AKT3: variants seen among roughly 807,000 people sequenced by gnomAD.
AKT3 encodes the protein RAC-gamma serine/threonine-protein kinase.
AKT3 carries 15 observed loss-of-function variants against 65.3 expected under a neutral mutation model. That is an observed-to-expected ratio of 0.23 (90% confidence interval 0.15 to 0.35). The LOEUF (loss-of-function observed/expected upper bound fraction) is 0.35, where lower values mean the gene tolerates loss of function less well. Among genes scored for constraint, AKT3 ranks in the 10% least tolerant of loss-of-function variants. AKT3 has a pLI of 1.00. For missense variants in AKT3, 243 were observed against 576.5 expected (o/e 0.42, Z 5.92); for synonymous variants, 206 against 183.8 (o/e 1.12, Z -0.98).
At chr1:243,576,159 G>A (rs1674927097) in intron 8 of AKT3, among the ~76,000 whole-genome samples, 1 of 152,138 alleles carries the variant, frequency 6.6e-6, no homozygotes, top group African/African-American at 2.4e-5. Context: ...AATAGACACA[G>A]AAAAGGCCTT....
chr1:243,767,856 A>T (rs1689929956), intron 2 of AKT3, among the ~76,000 whole-genome samples: 1 of 152,060 alleles, frequency 6.6e-6, no homozygotes, highest in Admixed American at 6.5e-5. Context: ...CAGGAAACAG[A>T]AATATTTTAA....
intron 4 of AKT3, among the ~76,000 whole-genome samples, chr1:243,648,646 T>C (rs561121481): frequency 4.6e-5 from 7 of 152,306 alleles, no homozygotes; most frequent in African/African-American, 7.2e-5. Flanking sequence ...TTGTAGAGGA[T>C]TGGTCAAATT....
At chr1:243,684,068 G>C (rs1392928822) in intron 3 of AKT3, among the ~76,000 whole-genome samples, 1 of 151,832 alleles carries the variant, frequency 6.6e-6, no homozygotes, top group Non-Finnish European at 1.5e-5. Context: ...CCAAACTCTT[G>C]TCTCTGATCC....
At chr1:243,789,104 G>T (rs1691453834) in intron 2 of AKT3, among the ~76,000 whole-genome samples, 1 of 152,214 alleles carries the variant, frequency 6.6e-6, no homozygotes, top group African/African-American at 2.4e-5. Flanking sequence ...CTGGCCAGGG[G>T]TGGTAGCTCA....
At chr1:243,739,934 G>C (rs1688053084) in intron 2 of AKT3, among the ~76,000 whole-genome samples, 1 of 152,162 alleles carries the variant, frequency 6.6e-6, no homozygotes, top group Non-Finnish European at 1.5e-5. Context: ...CTCTTGTGAG[G>C]GTAAGAACTG....
intron 2 of AKT3, among the ~76,000 whole-genome samples, chr1:243,772,801 T>C (rs908273676): frequency 2.6e-5 from 4 of 151,946 alleles, no homozygotes; most frequent in Non-Finnish European, 4.4e-5. Context: ...TGTCCAACAA[T>C]GACAGACTGG....
rs1477571417 is a variant in AKT3 at position 243,843,101 on chromosome 1, A to G, written c.46+24T>C. The G allele has an allele frequency of 2.5e-6, 4 of 1,613,068 alleles. No homozygotes were observed. The South Asian group carries it at 3.3e-5, about 13-fold the overall frequency. On this transcript the variant is annotated intron_variant, in intron 2 of 13. Coordinates refer to ENST00000673466, the MANE Select transcript of AKT3 (RefSeq NM_005465.7). ...TGCTAGCACTCTTACCAACCGTATT[A>G]TTTTTGGTTTGCGGAGCACTTACCC...
At chr1:243,678,291 G>A (rs764329193) in intron 3 of AKT3, among the ~76,000 whole-genome samples, 2 of 151,894 alleles carry the variant, frequency 1.3e-5, no homozygotes, top group Non-Finnish European at 2.9e-5. Context: ...AGGCCTCTTG[G>A]GTATTTACTA....
intron 12 of AKT3, among the ~76,000 whole-genome samples, chr1:243,536,361 T>A (rs1030197069): frequency 6.6e-6 from 1 of 152,222 alleles, no homozygotes; most frequent in Non-Finnish European, 1.5e-5. Context: ...TGGTTTCAGG[T>A]CTTACATTTA....
intron 2 of AKT3, among the ~76,000 whole-genome samples, chr1:243,755,078 G>A (rs1300444913): frequency 6.6e-6 from 1 of 151,766 alleles, no homozygotes; most frequent in African/African-American, 2.4e-5. Flanking sequence ...ATTATTATTG[G>A]TTTTTTTGGA....
At position 243,813,240 on chromosome 1, in the gene AKT3, T is replaced by C. The variant is rs149382281; in HGVS notation, c.46+29885A>G. 6.5e-4 allele frequency among the ~76,000 whole-genome samples: 99 copies of C among 152,294 alleles called. No individual in the cohort carries two copies. In the East Asian group the frequency reaches 0.014, roughly 21 times the overall value. ...CAGCAGTCACCTTCTTGATTAAGTA[T>C]GTATCATGTATGCAGTATTCTCACC... On this transcript the variant is annotated intron_variant, in intron 2 of 13. Transcript: ENST00000673466.
intron 5 of AKT3, among the ~76,000 whole-genome samples, chr1:243,638,538 G>A (rs954862570): frequency 9.2e-5 from 14 of 151,932 alleles, no homozygotes; most frequent in Admixed American, 1.3e-4. Context: ...GCCCCTCCCC[G>A]ACCCAGCTTT....
chr1:243,781,661 T>A (rs1690925274), intron 2 of AKT3, among the ~76,000 whole-genome samples: 1 of 152,222 alleles, frequency 6.6e-6, no homozygotes, highest in African/African-American at 2.4e-5. Flanking sequence ...TATGGATTTT[T>A]TTAACAGTTT....
chr1:243,843,419 T>G (rs1280001489), intron 1 of AKT3, 137 bp from the exon 2 acceptor site: 5 of 1,108,526 alleles, frequency 4.5e-6, no homozygotes, highest in Non-Finnish European at 5.7e-6. Flanking sequence ...ACTGGGGAAC[T>G]TATTTATTAA....
At chr1:243,512,244 T>C in intron 13 of AKT3, 80 bp downstream of exon 13, 1 of 742,502 alleles carries the variant, frequency 1.3e-6, no homozygotes, top group Non-Finnish European at 2.1e-6. Flanking sequence ...ATCAGATGAG[T>C]TTTTAAAAGA....
intron 9 of AKT3, among the ~76,000 whole-genome samples, chr1:243,572,030 C>CT (rs1674598850): frequency 6.6e-6 from 1 of 152,202 alleles, no homozygotes; most frequent in South Asian, 2.1e-4. Context: ...TAAGGCAATT[C>CT]TGTGTCAAAT....
At position 243,502,361 on chromosome 1, in the gene AKT3, T is replaced by C. The variant is rs1273775177; in HGVS notation, c.*2888A>G. ...TGGGAAATGGAAAACAATACTTGAA[T>C]AATGCTATGTAATTAGTGTAGAAAG... is the stretch of plus-strand genomic sequence containing the variant. On this transcript the variant is annotated 3_prime_UTR_variant, in exon 14 of 14. Coordinates refer to ENST00000673466, the MANE Select transcript of AKT3 (RefSeq NM_005465.7). The C allele has an allele frequency of 4.3e-6, 1 of 232,924 alleles. No individual in the cohort carries two copies. Among genetic ancestry groups the C allele is most frequent in the Non-Finnish European group, 8.5e-6 (1 of 117,908 alleles). The allele number at this position is 232,924 out of a possible 1,614,324, so 14.4% of individuals were successfully genotyped here.
At chr1:243,550,362 T>C (rs976584056) in intron 11 of AKT3, among the ~76,000 whole-genome samples, 1 of 152,182 alleles carries the variant, frequency 6.6e-6, no homozygotes, top group African/African-American at 2.4e-5. Context: ...CAGTTAGGAA[T>C]TGTTCTATTA....
chr1:243,493,230 G>A (rs1366735857), intron 13 of AKT3, among the ~76,000 whole-genome samples: 4 of 144,460 alleles, frequency 2.8e-5, no homozygotes, highest in African/African-American at 1.0e-4. Flanking sequence ...TGGTGGGGGT[G>A]GGGGGAGGGG....
Sources: gnomAD v4.1 joint callset for allele counts (sites outside exome capture counted in the v4.1 genomes callset) on GRCh38, gnomAD v4.1.1 for gene constraint, MANE v1.5 for transcripts, NCBI Gene and HGNC (gene_info 2026-07-23, HGNC 2026-07-21) for gene names.